Variants in CELF5 observed in about 807,000 individuals in gnomAD.
CELF5 encodes CUGBP Elav-like family member 5.
Under a neutral mutation model 54.9 loss-of-function variants are expected in CELF5, and 6 were observed. The ratio of observed to expected loss-of-function variants is 0.11; its 90% confidence interval spans 0.06 to 0.22. The LOEUF (loss-of-function observed/expected upper bound fraction) is 0.22, where lower values mean the gene tolerates loss of function less well. Ranked by LOEUF, CELF5 falls within the 10% of genes least tolerant of loss-of-function variation. CELF5 has a pLI of 1.00. For synonymous variants in CELF5, 271 were observed against 290.9 expected (o/e 0.93, Z 0.70); for missense variants, 401 against 678.6 (o/e 0.59, Z 4.54).
chr19:3,239,890 A>G (rs2079467473), intron 1 of CELF5, among the ~76,000 whole-genome samples: 1 of 152,006 alleles, frequency 6.6e-6, no homozygotes, highest in African/African-American at 2.4e-5. Context: ...GACTATGCCC[A>G]ACCCCTGCTC....
chr19:3,285,428 T>C (rs913616485), intron 9 of CELF5, among the ~76,000 whole-genome samples: 2 of 148,052 alleles, frequency 1.4e-5, no homozygotes, highest in South Asian at 4.4e-4. Context: ...GGCCTGGCTG[T>C]GACCCCGCCC....
chr19:3,284,908 G>A lies in CELF5; in HGVS notation c.1046G>A (p.Ser349Asn), dbSNP rs1361673003. The change falls in exon 9 of 13, where the codon AGC (serine) becomes AAC (asparagine). Residue 349 changes from serine (S) to asparagine (N), a missense_variant. Physicochemically the swap from Ser to Asn is conservative, Grantham distance 46. This residue lies in a region of CELF5 where 143 missense variants were observed against 147.6 expected (regional missense o/e 0.97). Transcript: ENST00000292672. ...CCCCTCTGTCTGCCCGCAGCTCAGA[G>A]CCCGACTGTGGCCGAGACACTGCAT... is the stretch of plus-strand genomic sequence containing the variant. The part of the protein sequence containing the change: ...ANGLVPYPAQ[S>N]PTVAETLHPA... 1.9e-6 allele frequency: 3 copies of A among 1,612,782 alleles called. No individual in the cohort carries two copies. Among genetic ancestry groups the A allele is most frequent in the African/African-American group, 1.3e-5 (1 of 74,806 alleles).
intron 10 of CELF5, among the ~76,000 whole-genome samples, chr19:3,289,681 CAAAAAAAAAAAAAA>C (rs35144942): frequency 9.8e-4 from 46 of 47,142 alleles, no homozygotes; most frequent in Admixed American, 7.9e-3. Context: ...GACTCCATCT[CAAAAAAAAAAAAAA>C]AAAAAAAAAA....
At chr19:3,284,533 A>T (rs1303523679) in intron 8 of CELF5, among the ~76,000 whole-genome samples, 1 of 151,910 alleles carries the variant, frequency 6.6e-6, no homozygotes, top group African/African-American at 2.4e-5. Flanking sequence ...GGGGCAGGGG[A>T]TGGGGGCAGG....
chr19:3,289,681 C>CAAAAAAAAAAAAAAAAAAAAAAAAAAA (rs35144942), intron 10 of CELF5, among the ~76,000 whole-genome samples: 3 of 47,136 alleles, frequency 6.4e-5, no homozygotes, highest in African/African-American at 1.0e-4. Flanking sequence ...GACTCCATCT[C>CAAAAAAAAAAAAAAAAAAAAAAAAAAA]AAAAAAAAAA....
At position 3,268,038 on chromosome 19, in the gene CELF5, G is replaced by A. The variant is rs1599445464; in HGVS notation, c.343-5834G>A. ...TTTTGAGATGGAGTCTCGCTCTGTCGCCCAGGCTGGAGTGCAGTGATTTGA... is the reference window on the plus strand; with the variant it reads ...TTTTGAGATGGAGTCTCGCTCTGTCACCCAGGCTGGAGTGCAGTGATTTGA... On this transcript the variant is annotated intron_variant, in intron 2 of 12. Transcript: ENST00000292672. The surrounding 1 kb of genome is among the most constrained non-coding windows in gnomAD (Gnocchi z 4.4). Among the ~76,000 whole-genome samples the A allele has an allele frequency of 2.0e-5, 3 of 152,116 alleles. No homozygotes were observed. Among genetic ancestry groups the A allele is most frequent in the African/African-American group, 7.2e-5 (3 of 41,472 alleles).
At chr19:3,290,414 C>A in intron 11 of CELF5, 40 bp downstream of exon 11, 1 of 1,608,314 alleles carries the variant, frequency 6.2e-7, no homozygotes, top group Admixed American at 1.7e-5. Flanking sequence ...ATCCACCTCC[C>A]TCGCCTGCCC....
intron 2 of CELF5, among the ~76,000 whole-genome samples, chr19:3,254,467 A>T (rs1334862125): frequency 2.0e-5 from 3 of 149,566 alleles, no homozygotes; most frequent in Non-Finnish European, 4.4e-5. Context: ...CCATCCATCT[A>T]TCCATCCACC....
At chr19:3,265,991 G>A (rs1445634173) in intron 2 of CELF5, among the ~76,000 whole-genome samples, 6 of 152,038 alleles carry the variant, frequency 3.9e-5, no homozygotes, top group Admixed American at 3.9e-4. Context: ...ATTTTTAGTA[G>A]AGACGAGGTT....
chr19:3,290,705 A>G (rs988418628), intron 11 of CELF5, among the ~76,000 whole-genome samples: 3 of 149,186 alleles, frequency 2.0e-5, no homozygotes, highest in Non-Finnish European at 4.5e-5. Context: ...CTGGGACTAC[A>G]GGCGCCCGCC....
chr19:3,254,525 T>C (rs2079694141), intron 2 of CELF5, among the ~76,000 whole-genome samples: 1 of 148,122 alleles, frequency 6.8e-6, no homozygotes, highest in African/African-American at 2.5e-5. Flanking sequence ...ATCCATCCAT[T>C]CACACACTGA....
chr19:3,288,531 C>T (rs950799223), intron 10 of CELF5, among the ~76,000 whole-genome samples: 2 of 151,382 alleles, frequency 1.3e-5, no homozygotes, highest in African/African-American at 4.9e-5. Context: ...TCAAAACAAA[C>T]AAACAAACAA....
intron 9 of CELF5, among the ~76,000 whole-genome samples, chr19:3,285,466 T>C (rs1481351700): frequency 1.4e-5 from 2 of 140,918 alleles, no homozygotes; most frequent in Middle Eastern, 4.1e-3. Context: ...CCTTAACTCA[T>C]GGTCCTGCCC....
intron 1 of CELF5, among the ~76,000 whole-genome samples, chr19:3,232,799 G>A (rs1917329844): frequency 6.6e-6 from 1 of 151,778 alleles, no homozygotes; most frequent in Admixed American, 6.6e-5. Flanking sequence ...TTTAGGCTGG[G>A]CGTGGTGGCT....
chr19:3,231,785 A>G (rs1427666091), intron 1 of CELF5, among the ~76,000 whole-genome samples: 2 of 120,118 alleles, frequency 1.7e-5, no homozygotes, highest in Non-Finnish European at 3.5e-5. Context: ...TGGGTCAATG[A>G]GTGCATGGAT....
At chr19:3,267,918 C>T (rs868216757) in intron 2 of CELF5, among the ~76,000 whole-genome samples, 25 of 152,206 alleles carry the variant, frequency 1.6e-4, no homozygotes, top group African/African-American at 4.3e-4. Context: ...GGCCTTAAGA[C>T]GCCCAGTGTG....
intron 2 of CELF5, among the ~76,000 whole-genome samples, chr19:3,251,652 CTTT>C (rs1195812856): frequency 1.3e-4 from 9 of 67,110 alleles, no homozygotes; most frequent in East Asian, 1.0e-3. Flanking sequence ...ACAAGGGCTT[CTTT>C]TTTTTTTTTT....
intron 12 of CELF5, chr19:3,295,337 T>G (rs528890753): frequency 6.6e-6 from 1 of 152,058 alleles, no homozygotes; most frequent in Non-Finnish European, 1.5e-5. Flanking sequence ...CCAAACTAAA[T>G]CACACCTTTT....
chr19:3,284,910 C>T lies in CELF5; in HGVS notation c.1048C>T (p.Pro350Ser), dbSNP rs752176893. Residue 350 changes from proline to serine, a missense_variant, in exon 9 of 13, where the codon CCG (proline) becomes TCG (serine). By Grantham distance (74) the Pro-to-Ser change is moderately conservative. This residue lies in a region of CELF5 where 143 missense variants were observed against 147.6 expected (regional missense o/e 0.97). Coordinates refer to ENST00000292672, the MANE Select transcript of CELF5 (RefSeq NM_021938.4). ...NGLVPYPAQS[P>S]TVAETLHPAF... ...CCTCTGTCTGCCCGCAGCTCAGAGC[C>T]CGACTGTGGCCGAGACACTGCATCC... 6.2e-7 allele frequency: 1 copy of T among 1,613,202 alleles called. No homozygotes were observed. Among genetic ancestry groups the T allele is most frequent in the South Asian group, 1.1e-5 (1 of 90,976 alleles).
Sources: gnomAD v4.1 joint callset for allele counts (sites outside exome capture counted in the v4.1 genomes callset) on GRCh38, gnomAD v4.1.1 for gene constraint, gnomAD v4.1.1 regional missense constraint, Gnocchi (gnomAD v3.1) non-coding constraint, MANE v1.5 for transcripts, NCBI Gene and HGNC (gene_info 2026-07-23, HGNC 2026-07-21) for gene names.